Variants in LPP observed in about 807,000 individuals in gnomAD.
LPP encodes the protein LIM domain containing preferred translocation partner in lipoma, also known as lipoma-preferred partner.
LPP carries 38 observed loss-of-function variants against 60.4 expected under a neutral mutation model. The ratio of observed to expected loss-of-function variants is 0.63; its 90% CI spans 0.49 to 0.83. The LOEUF is 0.83. LPP is among the 40% of genes least tolerant of loss of function. The pLI, the probability that LPP is intolerant of heterozygous loss-of-function variation, is 0.00. For missense variants in LPP, 902 were observed against 783.6 expected, an observed-to-expected ratio of 1.15 and a Z score of -1.80; for synonymous variants, 328 against 290.8, an observed-to-expected ratio of 1.13 and a Z score of -1.30.
chr3:188,565,784 G>A (rs1467641710), intron 6 of LPP, among the ~76,000 whole-genome samples: 2 of 151,968 alleles, frequency 1.3e-5, no homozygotes, highest in Non-Finnish European at 2.9e-5. Flanking sequence ...GATAACTTCA[G>A]AGAGACTTTG....
chr3:188,339,859 C>T (rs751149135), intron 2 of LPP, among the ~76,000 whole-genome samples: 3 of 152,198 alleles, frequency 2.0e-5, no homozygotes, highest in Non-Finnish European at 2.9e-5. Flanking sequence ...CATCTTGAAA[C>T]TTTCCTGGTG....
intron 1 of LPP, among the ~76,000 whole-genome samples, chr3:188,176,465 C>T (rs928188042): frequency 3.9e-5 from 6 of 152,112 alleles, no homozygotes; most frequent in Admixed American, 3.9e-4. Context: ...TTCACATTGC[C>T]ATCAGAGATT....
intron 3 of LPP, among the ~76,000 whole-genome samples, chr3:188,375,849 T>G (rs1003307932): frequency 6.6e-6 from 1 of 152,316 alleles, no homozygotes; most frequent in East Asian, 1.9e-4. Context: ...TTTAGTGCTA[T>G]AAATTTCCCT....
At chr3:188,869,917 TC>T (rs1032961757) in intron 10 of LPP, among the ~76,000 whole-genome samples, 1 of 152,216 alleles carries the variant, frequency 6.6e-6, no homozygotes, top group African/African-American at 2.4e-5. Flanking sequence ...GAAGACTATC[TC>T]CCCTACCCTA....
chr3:188,856,242 A>G (rs1167238853), intron 9 of LPP, among the ~76,000 whole-genome samples: 1 of 152,238 alleles, frequency 6.6e-6, no homozygotes, highest in African/African-American at 2.4e-5. Flanking sequence ...CCATCACTTG[A>G]TAGGCATTCC....
At chr3:188,358,298 G>A (rs1363029687) in intron 3 of LPP, among the ~76,000 whole-genome samples, 1 of 152,178 alleles carries the variant, frequency 6.6e-6, no homozygotes, top group Non-Finnish European at 1.5e-5. Context: ...TCTTAACTAC[G>A]AAGCTATATT....
chr3:188,728,071 T>C (rs1719079606), intron 8 of LPP, among the ~76,000 whole-genome samples: 1 of 152,064 alleles, frequency 6.6e-6, no homozygotes, highest in South Asian at 2.1e-4. Context: ...CAGAATCACC[T>C]GGGGGAGCTT....
At chr3:188,452,249 C>T (rs1424029999) in intron 4 of LPP, among the ~76,000 whole-genome samples, 1 of 152,148 alleles carries the variant, frequency 6.6e-6, no homozygotes, top group Admixed American at 6.6e-5. Flanking sequence ...CCTCCGTATC[C>T]TTCTCTTTCA....
intron 3 of LPP, among the ~76,000 whole-genome samples, chr3:188,372,191 G>A (rs532571367): frequency 1.1e-4 from 17 of 152,166 alleles, no homozygotes; most frequent in Non-Finnish European, 2.2e-4. Context: ...TGGCTTGACA[G>A]CAAAACTCCT....
chr3:188,466,250 T>C (rs1255648332), intron 4 of LPP, among the ~76,000 whole-genome samples: 1 of 152,184 alleles, frequency 6.6e-6, no homozygotes, highest in African/African-American at 2.4e-5. Context: ...TGGTTGCTTT[T>C]TGTCTGATCT....
intron 3 of LPP, among the ~76,000 whole-genome samples, chr3:188,369,544 A>G (rs1772376660): frequency 6.6e-6 from 1 of 152,190 alleles, no homozygotes. Context: ...GATAATAGAT[A>G]TGAAAAGGCT....
rs370554214 is a variant in LPP, at chr3:188,887,546, G to T, written c.*13067G>T. 1 of 215,968 alleles carries T rather than the reference G, an allele frequency of 4.6e-6. No homozygotes were observed. The highest frequency in any genetic ancestry group is 2.3e-5 in the African/African-American group (1 of 44,416). 13.4% of individuals were successfully genotyped at this position (215,968 alleles called of 1,614,324 possible). Reference sequence around the variant, plus strand: ...GGGAGTTGGTATTTGGGCAGAGTTTGCATTTTACTAATCCTATATACTTTG... The same window carrying T: ...GGGAGTTGGTATTTGGGCAGAGTTTTCATTTTACTAATCCTATATACTTTG... On this transcript the variant is annotated 3_prime_UTR_variant, in exon 12 of 12. Coordinates refer to ENST00000617246, the MANE Select transcript of LPP (RefSeq NM_001375462.1).
At chr3:188,363,702 C>T (rs1021292835) in intron 3 of LPP, among the ~76,000 whole-genome samples, 2 of 151,954 alleles carry the variant, frequency 1.3e-5, no homozygotes, top group Non-Finnish European at 2.9e-5. Context: ...GTCAGGAGTT[C>T]AAGACCAGCC....
At chr3:188,525,820 T>C (rs1820433931) in intron 6 of LPP, among the ~76,000 whole-genome samples, 1 of 152,244 alleles carries the variant, frequency 6.6e-6, no homozygotes, top group Admixed American at 6.5e-5. Flanking sequence ...AATGTGATGG[T>C]TGCAATTAAT....
At chr3:188,241,227 T>G (rs1724645144) in intron 2 of LPP, among the ~76,000 whole-genome samples, 1 of 152,310 alleles carries the variant, frequency 6.6e-6, no homozygotes, top group South Asian at 2.1e-4. Flanking sequence ...AACCTGCTGT[T>G]ATCTGCGCAG....
chr3:188,457,074 G>T (rs887383969), intron 4 of LPP, among the ~76,000 whole-genome samples: 6 of 152,160 alleles, frequency 3.9e-5, no homozygotes, highest in African/African-American at 1.4e-4. Context: ...TAATTAGAAA[G>T]AATTCAGGTT....
At chr3:188,159,753 T>C (rs1717631176) in intron 1 of LPP, among the ~76,000 whole-genome samples, 1 of 152,158 alleles carries the variant, frequency 6.6e-6, no homozygotes, top group Non-Finnish European at 1.5e-5. Context: ...AGAGTGAAGA[T>C]TGAGGGACTG....
chr3:188,561,695 A>G (rs976647809), intron 6 of LPP, among the ~76,000 whole-genome samples: 1 of 151,994 alleles, frequency 6.6e-6, no homozygotes, highest in Non-Finnish European at 1.5e-5. Flanking sequence ...AGCATGTTCT[A>G]CTTCCCACTT....
intron 6 of LPP, among the ~76,000 whole-genome samples, chr3:188,556,334 T>A (rs930645970): frequency 2.0e-5 from 3 of 152,084 alleles, no homozygotes; most frequent in African/African-American, 7.2e-5. Context: ...GTGCTTCAGT[T>A]TTTTTTGTTT....
Sources: gnomAD v4.1 joint callset for allele counts (sites outside exome capture counted in the v4.1 genomes callset) on GRCh38, gnomAD v4.1.1 for gene constraint, MANE v1.5 for transcripts, NCBI Gene and HGNC (gene_info 2026-07-23, HGNC 2026-07-21) for gene names.